RAF1: variants seen among roughly 807,000 people sequenced by gnomAD.
RAF1 encodes Raf-1 proto-oncogene, serine/threonine kinase, also known as RAF proto-oncogene serine/threonine-protein kinase.
Under a neutral mutation model 81.1 loss-of-function variants are expected in RAF1, and 27 were observed. That is an observed-to-expected ratio of 0.33 (90% confidence interval 0.25 to 0.46). The LOEUF is 0.46. RAF1 is among the 20% of genes least tolerant of loss of function. The pLI is 1.00. For synonymous variants in RAF1, 298 were observed against 294.0 expected (o/e 1.01, Z -0.14); for missense variants, 598 against 826.0 (o/e 0.72, Z 3.38).
At chr3:12,663,618 C>T (rs553859332) in intron 1 of RAF1, among the ~76,000 whole-genome samples, 195 bp downstream of exon 1, 14 of 151,956 alleles carry the variant, frequency 9.2e-5, no homozygotes, top group African/African-American at 3.1e-4. Flanking sequence ...GAACTCGGCT[C>T]GCCGGCCATG....
intron 5 of RAF1, among the ~76,000 whole-genome samples, chr3:12,606,933 C>A (rs1339402902): frequency 6.6e-6 from 1 of 152,160 alleles, no homozygotes; most frequent in Non-Finnish European, 1.5e-5. Context: ...TCAGGTGATT[C>A]ACCTGCCTTG....
chr3:12,584,631 T>C lies in RAF1; in HGVS notation c.1890A>G (p.Gln630=), dbSNP rs141791080. 6.4e-4 allele frequency: 1,031 copies of C among 1,614,014 alleles called. 2 individuals are homozygous for C. Among genetic ancestry groups the C allele is most frequent in the Admixed American group, 7.2e-4 (43 of 59,998 alleles). The change falls in exon 18 of 18, where the codon CAA becomes CAG. Residue 630 remains glutamine (Q), a synonymous_variant. Coordinates refer to ENST00000442415, the MANE Select transcript of RAF1 (RefSeq NM_001354689.3). ...TCCGGTTGATCTTCGGTAGAGAGTG[T>C]TGGAGCAGCTCAATGGAAGACAGGA...
intron 6 of RAF1, among the ~76,000 whole-genome samples, chr3:12,604,507 T>C (rs1453218177): frequency 6.6e-6 from 1 of 152,204 alleles, no homozygotes; most frequent in Non-Finnish European, 1.5e-5. Context: ...AATATATGTA[T>C]TGGGAATTCA....
intron 10 of RAF1, 55 bp downstream of exon 9, chr3:12,600,097 C>T (rs935004044): frequency 2.9e-5 from 46 of 1,610,098 alleles, no homozygotes; most frequent in African/African-American, 8.0e-5. Context: ...TAATTTCCAA[C>T]GAGGTTTTTC....
chr3:12,601,669 TA>T (rs1399444857), intron 8 of RAF1, among the ~76,000 whole-genome samples: 1 of 151,986 alleles, frequency 6.6e-6, no homozygotes, highest in Non-Finnish European at 1.5e-5. Flanking sequence ...TAAAATTATA[TA>T]TCTAATTATA....
intron 1 of RAF1, among the ~76,000 whole-genome samples, chr3:12,619,998 C>T (rs1403296133): frequency 4.6e-5 from 7 of 151,990 alleles, no homozygotes; most frequent in East Asian, 1.9e-4. Flanking sequence ...AGGGGAATGG[C>T]GTGAACCCGG....
rs1049019361 is a variant in RAF1, at chr3:12,596,102, G to T, written c.1168+3589C>A. The stretch of plus-strand genomic sequence containing the variant: ...TGTCCAGGCTGGTCTCGATCTCCTG[G>T]GCTAAAGTGATCCTCCCAACTCAGC... On this transcript the variant is annotated intron_variant, in intron 11 of 17. Coordinates refer to ENST00000442415, the MANE Select transcript of RAF1 (RefSeq NM_001354689.3). Among the ~76,000 whole-genome samples, 3 of 151,674 alleles carry T rather than the reference G, an allele frequency of 2.0e-5. No homozygotes were observed. The East Asian group carries it at 5.8e-4, about 29-fold the overall frequency.
At chr3:12,592,622 T>C (rs2058551799) in intron 11 of RAF1, among the ~76,000 whole-genome samples, 1 of 151,980 alleles carries the variant, frequency 6.6e-6, no homozygotes, top group African/African-American at 2.4e-5. Context: ...CTATTCTACC[T>C]ATAACACTGA....
rs1388065273 is a variant in RAF1, at chr3:12,628,166, G to A, written c.-26-9419C>T. On this transcript the variant is annotated intron_variant, in intron 1 of 17. Transcript: ENST00000442415. ...TATTTCTACATTCAAGTTATAAAAT[G>A]GGCTTACAGCCTGGCCAGGTGCGGT... 2.0e-5 allele frequency among the ~76,000 whole-genome samples: 3 copies of A among 152,320 alleles called. 1 individual carries two copies. The East Asian group carries it at 5.8e-4, about 29-fold the overall frequency.
At chr3:12,595,282 G>C (rs929373533) in intron 11 of RAF1, among the ~76,000 whole-genome samples, 14 of 152,062 alleles carry the variant, frequency 9.2e-5, no homozygotes, top group Non-Finnish European at 2.1e-4. Flanking sequence ...ATGTTGCCCA[G>C]GCTGGTCTCA....
chr3:12,643,571 T>C (rs2060255334), intron 1 of RAF1, among the ~76,000 whole-genome samples: 1 of 151,822 alleles, frequency 6.6e-6, no homozygotes, highest in Non-Finnish European at 1.5e-5. Context: ...TGAAACCCCA[T>C]CTCTACTAAA....
chr3:12,652,285 G>A (rs2060556317), intron 1 of RAF1, among the ~76,000 whole-genome samples: 2 of 151,936 alleles, frequency 1.3e-5, no homozygotes, highest in African/African-American at 4.8e-5. Context: ...AACTTTGGGA[G>A]GCCGAGATGG....
intron 1 of RAF1, among the ~76,000 whole-genome samples, chr3:12,644,017 T>C (rs528600623): frequency 1.3e-5 from 2 of 152,204 alleles, no homozygotes; most frequent in Non-Finnish European, 2.9e-5. Context: ...TAATAAACTA[T>C]AAATTAGACA....
rs527483567 is a variant in RAF1 at position 12,604,416 on chromosome 3, G to A, written c.681-127C>T. On this transcript the variant is annotated intron_variant, in intron 6 of 17. Coordinates refer to ENST00000442415, the MANE Select transcript of RAF1 (RefSeq NM_001354689.3). The stretch of plus-strand genomic sequence containing the variant: ...CTACCTGTACAACCTTTGACAAAAT[G>A]TTTGATTCTTTCAAATGTGTGACAT... The A allele has an allele frequency of 5.9e-6, 6 of 1,018,494 alleles. No individual in the cohort carries two copies. In the African/African-American group the frequency reaches 6.4e-5, roughly 11 times the overall value. The allele number at this position is 1,018,494 out of a possible 1,614,324, so 63.1% of individuals were successfully genotyped here.
At chr3:12,657,984 A>G (rs191351895) in intron 1 of RAF1, among the ~76,000 whole-genome samples, 47 of 152,252 alleles carry the variant, frequency 3.1e-4, no homozygotes, top group Admixed American at 2.3e-3. Context: ...TGGACATTAC[A>G]TATAAATGGA....
Position 12,664,075 on chromosome 3 carries a change from C to T in RAF1, c.-289G>A, listed in dbSNP as rs1316283330. The T allele has an allele frequency of 2.5e-6, 1 of 398,474 alleles. No homozygotes were observed. 24.7% of individuals were successfully genotyped at this position (398,474 alleles called of 1,614,324 possible). ...GTTCCCGCCTCACAATCGTTTTCCT[C>T]TTACTCCCGCCATCTAAGATGGCGG... is the stretch of plus-strand genomic sequence containing the variant. On this transcript the variant is annotated 5_prime_UTR_variant, in exon 1 of 18. Coordinates refer to ENST00000442415, the MANE Select transcript of RAF1 (RefSeq NM_001354689.3).
chr3:12,661,300 G>GTGTAT (rs2060870311), intron 1 of RAF1, among the ~76,000 whole-genome samples: 1 of 152,130 alleles, frequency 6.6e-6, no homozygotes, highest in East Asian at 1.9e-4. Context: ...CAAATAAATA[G>GTGTAT]TTTATAAAAT....
At chr3:12,647,295 CAA>C (rs35322564) in intron 1 of RAF1, among the ~76,000 whole-genome samples, 256 of 140,750 alleles carry the variant, frequency 1.8e-3, no homozygotes, top group Middle Eastern at 7.5e-3. Context: ...GACTCCATCT[CAA>C]AAAAAAAAAA....
chr3:12,609,916 T>A (rs2059157410), intron 3 of RAF1, among the ~76,000 whole-genome samples: 1 of 152,242 alleles, frequency 6.6e-6, no homozygotes, highest in Non-Finnish European at 1.5e-5. Flanking sequence ...ATTGCTGCAG[T>A]ACAAAATTTA....
Sources: gnomAD v4.1 joint callset for allele counts (sites outside exome capture counted in the v4.1 genomes callset) on GRCh38, gnomAD v4.1.1 for gene constraint, MANE v1.5 for transcripts, NCBI Gene and HGNC (gene_info 2026-07-23, HGNC 2026-07-21) for gene names.